NLRC3: variants seen among roughly 807,000 people sequenced by gnomAD.
NLRC3 encodes the protein NLR family CARD domain containing 3, also known as NLR family CARD domain-containing protein 3.
A neutral mutation model predicts 91.6 loss-of-function variants in NLRC3; 87 were observed. The observed-to-expected ratio is 0.95, with a 90% confidence interval of 0.80 to 1.14. The LOEUF (loss-of-function observed/expected upper bound fraction) is 1.14, where lower values mean the gene tolerates loss of function less well. Ranked by LOEUF, NLRC3 falls within the 50% of genes most tolerant of loss-of-function variation. The pLI, the probability that NLRC3 is intolerant of heterozygous loss-of-function variation, is 0.00. For missense variants in NLRC3, 1,577 were observed against 1,418.6 expected (o/e 1.11, Z -1.79); for synonymous variants, 694 against 625.3 (o/e 1.11, Z -1.64).
At chr16:3,547,618 A>ATG (rs1230441024) in intron 15 of NLRC3, among the ~76,000 whole-genome samples, 2 of 152,092 alleles carry the variant, frequency 1.3e-5, no homozygotes, top group East Asian at 3.9e-4. Context: ...ATATATGTAT[A>ATG]TGTGTATATA....
chr16:3,549,967 A>C (rs1351363796), intron 11 of NLRC3, among the ~76,000 whole-genome samples, 187 bp from the exon 12 acceptor site: 1 of 152,072 alleles, frequency 6.6e-6, no homozygotes, highest in African/African-American at 2.4e-5. Flanking sequence ...AGCCTCTGCC[A>C]GGTCAGGGCA....
chr16:3,564,600 G>T lies in NLRC3; in HGVS notation c.337C>A (p.Arg113Ser), dbSNP rs376448615. ...EHDFTQVEATRGGGHPARTVA... is the reference protein window; with the variant it reads ...EHDFTQVEATSGGGHPARTVA... ...GTCCTGGCGGGGTGCCCGCCCCCGC[G>T]GGTGGCCTCCACCTGTGTGAAGTCG... The change falls in exon 5 of 20, where the codon CGC becomes AGC. Residue 113 changes from arginine to serine, a missense_variant. By Grantham distance (110) the Arg-to-Ser change is moderately radical (BLOSUM62 -1). Coordinates refer to ENST00000359128, the MANE Select transcript of NLRC3 (RefSeq NM_178844.4). This position sits in a 1 kb window ranked among gnomAD's most constrained non-coding sequence, Gnocchi z 5.9. 6 of 1,610,886 alleles carry T rather than the reference G, an allele frequency of 3.7e-6. No homozygotes were observed. In the Admixed American group the frequency reaches 1.0e-4, roughly 27 times the overall value.
At position 3,541,825 on chromosome 16, in the gene NLRC3, T is replaced by A; in HGVS notation, c.3198A>T (p.Ter1066CysextTer55). Residue 1066 changes from the stop codon to cysteine, a stop_lost, in exon 20 of 20, where the codon TGA (stop) becomes TGT (cysteine). Coordinates refer to ENST00000359128, the MANE Select transcript of NLRC3 (RefSeq NM_178844.4). Reference sequence around the variant, plus strand: ...CATTCTCCTGATCCGTCCACCAGGATCACATTTCAACAGTGCACGTGGGAG... The same window carrying A: ...CATTCTCCTGATCCGTCCACCAGGAACACATTTCAACAGTGCACGTGGGAG... ...TNAPTCTVEM* is the reference protein window; with the variant it reads ...TNAPTCTVEMC The A allele has an allele frequency of 6.2e-7, 1 of 1,601,674 alleles. No individual in the cohort carries two copies. Among genetic ancestry groups the A allele is most frequent in the Non-Finnish European group, 8.6e-7 (1 of 1,169,374 alleles).
At chr16:3,554,460 A>T (rs573409284) in intron 8 of NLRC3, 135 bp from the exon 9 acceptor site, 145 of 636,228 alleles carry the variant, frequency 2.3e-4, no homozygotes, top group Non-Finnish European at 3.5e-4. Context: ...CCCACCATGC[A>T]GGGAGAGCAG....
chr16:3,543,070 TC>T, intron 17 of NLRC3: 1 of 496,702 alleles, frequency 2.0e-6, no homozygotes. Flanking sequence ...TCTGGGCAGG[TC>T]CCCAGTGCTC....
intron 9 of NLRC3, among the ~76,000 whole-genome samples, chr16:3,553,868 A>G (rs1267159590): frequency 6.7e-6 from 1 of 149,938 alleles, no homozygotes; most frequent in East Asian, 2.0e-4. Flanking sequence ...TAGCCTCCCA[A>G]GTAGCTGGGA....
rs116274166 is a variant in NLRC3, at chr16:3,545,982, C to T, written c.2772-1653G>A. On this transcript the variant is annotated intron_variant, in intron 15 of 19. Coordinates refer to ENST00000359128, the MANE Select transcript of NLRC3 (RefSeq NM_178844.4). The stretch of plus-strand genomic sequence containing the variant: ...GTGAGAGGATGGACTGAGGTGGAGG[C>T]TACCACAGGGATGGAGGTGAGTGGT... 4.2e-3 allele frequency among the ~76,000 whole-genome samples: 632 copies of T among 152,256 alleles called. 12 individuals are homozygous for T. Among genetic ancestry groups the T allele is most frequent in the African/African-American group, 0.014 (588 of 41,544 alleles).
chr16:3,562,892 G>T, intron 5 of NLRC3, 117 bp downstream of exon 5: 1 of 943,306 alleles, frequency 1.1e-6, no homozygotes, highest in Non-Finnish European at 1.7e-6. Context: ...CAAGTTCATG[G>T]TCCTCTGTTA....
intron 17 of NLRC3, 141 bp from the exon 18 acceptor site, chr16:3,542,916 A>T: frequency 1.6e-6 from 1 of 613,398 alleles, no homozygotes; most frequent in Non-Finnish European, 2.9e-6. Flanking sequence ...TGCCTTCCTC[A>T]CTCCAGGGCA....
rs556920784 is a variant in NLRC3, at chr16:3,555,555, A to G, written c.2184-1230T>C. The stretch of plus-strand genomic sequence containing the variant: ...ATTGTGAATTTGCTCAATGCCACTG[A>G]ACTGTACACTTTAAAACAGTCAGGG... On this transcript the variant is annotated intron_variant, in intron 8 of 19. Transcript: ENST00000359128. Among the ~76,000 whole-genome samples, 3 of 152,144 alleles carry G rather than the reference A, an allele frequency of 2.0e-5. No individual in the cohort carries two copies. In the South Asian group the frequency reaches 6.2e-4, roughly 32 times the overall value.
In NLRC3 at chr16:3,539,516, C is replaced by T. The variant is rs2038318000; in HGVS notation, c.*2309G>A. 1 of 152,208 alleles carries T rather than the reference C, an allele frequency of 6.6e-6. No homozygotes were observed. The highest frequency in any genetic ancestry group is 6.5e-5 in the Admixed American group (1 of 15,272). 9.4% of individuals were successfully genotyped at this position (152,208 alleles called of 1,614,324 possible). A position where few individuals can be genotyped will look rare whatever the true frequency, so the allele number is the denominator to read the frequency against. On this transcript the variant is annotated 3_prime_UTR_variant, in exon 20 of 20. Transcript: ENST00000359128. ...TTTGTTTTCTCCACCAGTTTGGCTCCTGAGGTTTCTTCAGCGTTAGGTTTC... is the reference window on the plus strand; with the variant it reads ...TTTGTTTTCTCCACCAGTTTGGCTCTTGAGGTTTCTTCAGCGTTAGGTTTC...
Position 3,563,592 on chromosome 16 carries a change from C to T in NLRC3, c.1345G>A (p.Val449Met), listed in dbSNP as rs1263852787. 2 of 1,613,062 alleles carry T rather than the reference C, an allele frequency of 1.2e-6. No individual in the cohort carries two copies. The highest frequency in any genetic ancestry group is 1.7e-5 in the Admixed American group (1 of 59,986). The change falls in exon 5 of 20, where the codon GTG becomes ATG. Residue 449 changes from valine (V) to methionine (M), a missense_variant. Physicochemically the swap from Val to Met is conservative, Grantham distance 21. Coordinates refer to ENST00000359128, the MANE Select transcript of NLRC3 (RefSeq NM_178844.4). ...GACAGGTGGGTGAAGCAGTAGGCCACTGACGATGCCAACGTCTCCTCTCTC... is the reference window on the plus strand; with the variant it reads ...GACAGGTGGGTGAAGCAGTAGGCCATTGACGATGCCAACGTCTCCTCTCTC... Reference protein sequence around the residue: ...LQREETLASSVAYCFTHLSLQ... With the variant: ...LQREETLASSMAYCFTHLSLQ...
At position 3,548,938 on chromosome 16, in the gene NLRC3, G is replaced by A. The variant is rs185697480; in HGVS notation, c.2604-185C>T. Among the ~76,000 whole-genome samples the A allele has an allele frequency of 4.8e-3, 733 of 152,324 alleles. 7 individuals carry two copies. Among genetic ancestry groups the A allele is most frequent in the African/African-American group, 0.016 (670 of 41,570 alleles). On this transcript the variant is annotated intron_variant, in intron 13 of 19. Coordinates refer to ENST00000359128, the MANE Select transcript of NLRC3 (RefSeq NM_178844.4). ...CCATCCCCACCAGGTGAAGCAGACG[G>A]CGTCACACTAGCCTCACCCTCGTGC...
chr16:3,548,928 G>C lies in NLRC3; in HGVS notation c.2604-175C>G, dbSNP rs78315375. Among the ~76,000 whole-genome samples, 28 of 152,330 alleles carry C rather than the reference G, an allele frequency of 1.8e-4. No individual in the cohort carries two copies. In the East Asian group the frequency reaches 4.6e-3, roughly 25 times the overall value. ...ACATCCTCATCCATCCCCACCAGGT[G>C]AAGCAGACGGCGTCACACTAGCCTC... On this transcript the variant is annotated intron_variant, in intron 13 of 19. Transcript: ENST00000359128.
At chr16:3,558,293 T>C (rs980163645) in intron 6 of NLRC3, among the ~76,000 whole-genome samples, 3 of 152,134 alleles carry the variant, frequency 2.0e-5, no homozygotes, top group Non-Finnish European at 4.4e-5. Flanking sequence ...ATGACATCAC[T>C]GCGCTCCAGC....
rs755835689 is a variant in NLRC3, at chr16:3,544,243, T to C, written c.2855+3A>G. 2 of 1,585,356 alleles carry C rather than the reference T, an allele frequency of 1.3e-6. No homozygotes were observed. The highest frequency in any genetic ancestry group is 1.7e-6 in the Non-Finnish European group (2 of 1,154,178). On this transcript the variant is annotated splice_donor_region_variant and intron_variant, in intron 16 of 19. Transcript: ENST00000359128. ...CTGACTGCTGCGCACATCTAGGACT[T>C]ACTAGAGAGCAGTGAGGGCTGTGTT...
intron 9 of NLRC3, among the ~76,000 whole-genome samples, chr16:3,553,332 A>G (rs2151090049): frequency 6.6e-6 from 1 of 152,196 alleles, no homozygotes; most frequent in East Asian, 1.9e-4. Context: ...TTTGAAATGT[A>G]AACATTAAGG....
At chr16:3,543,316 C>G in intron 17 of NLRC3, 109 bp downstream of exon 17, 1 of 781,242 alleles carries the variant, frequency 1.3e-6, no homozygotes, top group East Asian at 2.7e-5. Flanking sequence ...AAATGAAGAT[C>G]ACCAGGATGA....
At chr16:3,557,880 G>T (rs1457573894) in intron 6 of NLRC3, among the ~76,000 whole-genome samples, 1 of 152,186 alleles carries the variant, frequency 6.6e-6, no homozygotes, top group Non-Finnish European at 1.5e-5. Flanking sequence ...AGAGTGGGAG[G>T]ACAGACCCTC....
Sources: gnomAD v4.1 joint callset for allele counts (sites outside exome capture counted in the v4.1 genomes callset) on GRCh38, gnomAD v4.1.1 for gene constraint, Gnocchi (gnomAD v3.1) non-coding constraint, MANE v1.5 for transcripts, NCBI Gene and HGNC (gene_info 2026-07-23, HGNC 2026-07-21) for gene names.